The following USP40 variants were observed in gnomAD, a reference collection of about 807,000 sequenced individuals.
USP40 encodes the protein ubiquitin carboxyl-terminal hydrolase 40.
In USP40, 143 loss-of-function variants were observed where a neutral mutation model predicts 166.2. That is an observed-to-expected ratio of 0.86 (90% CI 0.75 to 0.99). The LOEUF is 0.99. USP40 is among the 50% of genes least tolerant of loss of function. USP40 has a pLI of 0.00. For missense variants in USP40, 1,444 were observed against 1,479.7 expected, an observed-to-expected ratio of 0.98 and a Z score of 0.40; for synonymous variants, 498 against 524.0, an observed-to-expected ratio of 0.95 and a Z score of 0.68.
chr2:233,529,585 C>G, intron 11 of USP40, 73 bp from the exon 12 acceptor site: 1 of 1,090,608 alleles, frequency 9.2e-7, no homozygotes, highest in Non-Finnish European at 1.3e-6. Flanking sequence ...AGCATGAAGA[C>G]TAGGAAGGAC....
chr2:233,501,986 C>T (rs1158647727), intron 21 of USP40, among the ~76,000 whole-genome samples: 1 of 152,086 alleles, frequency 6.6e-6, no homozygotes, highest in Non-Finnish European at 1.5e-5. Context: ...TTCTGGAGCC[C>T]AGTGACAAAA....
intron 21 of USP40, among the ~76,000 whole-genome samples, chr2:233,504,616 T>C (rs1453264940): frequency 6.6e-6 from 1 of 151,994 alleles, no homozygotes; most frequent in Non-Finnish European, 1.5e-5. Context: ...ATATCATTAT[T>C]ATGTCATTTA....
chr2:233,525,859 C>T (rs2067986872), intron 13 of USP40, among the ~76,000 whole-genome samples: 1 of 152,152 alleles, frequency 6.6e-6, no homozygotes, highest in South Asian at 2.1e-4. Flanking sequence ...TCTCAGAAAG[C>T]AAGTTGATGA....
chr2:233,516,693 A>G (rs2067221734), intron 18 of USP40, among the ~76,000 whole-genome samples: 1 of 151,764 alleles, frequency 6.6e-6, no homozygotes. Flanking sequence ...ATCTCAAAAA[A>G]AAAAAAAAAG....
intron 11 of USP40, among the ~76,000 whole-genome samples, chr2:233,530,965 C>A (rs10178062): frequency 6.6e-6 from 1 of 152,120 alleles, no homozygotes; most frequent in South Asian, 2.1e-4. Flanking sequence ...ACCTTAAGAT[C>A]AAATATTTAT....
intron 8 of USP40, among the ~76,000 whole-genome samples, chr2:233,544,748 G>T (rs12473824): frequency 0.79 from 120,377 of 152,018 alleles, 47,737 homozygotes; most frequent in East Asian, 0.87. Flanking sequence ...TCCCTAAATG[G>T]CTATACCTTC....
chr2:233,558,333 T>A (rs2071281330), intron 4 of USP40, among the ~76,000 whole-genome samples: 1 of 149,966 alleles, frequency 6.7e-6, no homozygotes. Context: ...AAGCTCATTA[T>A]CAAAAACAAA....
At chr2:233,551,583 T>G (rs2070567754) in intron 6 of USP40, 64 bp from the exon 7 acceptor site, 1 of 1,467,786 alleles carries the variant, frequency 6.8e-7, no homozygotes, top group Non-Finnish European at 9.0e-7. Flanking sequence ...TACATAATGT[T>G]TCTTAAGGTC....
In USP40 at chr2:233,506,372, T is replaced by C. The variant is rs74358507; in HGVS notation, c.2613+3677A>G. ...ACTCAAAATGGTTTAAATGCTTAAA[T>C]GTAAAACCCAAAACAATGAAACTAC... On this transcript the variant is annotated intron_variant, in intron 21 of 31. Coordinates refer to ENST00000678225, the MANE Select transcript of USP40 (RefSeq NM_001365479.2). Among the ~76,000 whole-genome samples, 1,469 of 152,218 alleles carry C rather than the reference T, an allele frequency of 9.7e-3. 20 individuals carry two copies. The highest frequency in any genetic ancestry group is 0.033 in the African/African-American group (1,386 of 41,528).
At chr2:233,483,825 A>T (rs545442599) in intron 30 of USP40, among the ~76,000 whole-genome samples, 2 of 152,350 alleles carry the variant, frequency 1.3e-5, no homozygotes, top group African/African-American at 4.8e-5. Flanking sequence ...ATAGATACTC[A>T]ACTTGTATAA....
intron 8 of USP40, among the ~76,000 whole-genome samples, chr2:233,547,839 C>A (rs961198955): frequency 6.6e-6 from 1 of 152,184 alleles, no homozygotes; most frequent in African/African-American, 2.4e-5. Context: ...TGTGCACACA[C>A]ATGTGTATCT....
chr2:233,560,988 C>T (rs79191806), intron 3 of USP40: 138 of 796,452 alleles, frequency 1.7e-4, no homozygotes, highest in African/African-American at 1.7e-3. Context: ...GATTCTTTCT[C>T]GGAAGGCAAA....
In USP40 at chr2:233,485,787, A is replaced by G. The variant is rs2064907443; in HGVS notation, c.3388T>C (p.Trp1130Arg). 1.2e-6 allele frequency: 2 copies of G among 1,612,684 alleles called. No individual in the cohort carries two copies. Among genetic ancestry groups the G allele is most frequent in the Non-Finnish European group, 1.7e-6 (2 of 1,179,536 alleles). Reference protein sequence around the residue: ...IAKYFPEKFEWLPISSWNQQI... With the variant: ...IAKYFPEKFERLPISSWNQQI... ...TTTACCCAGCTAGATATCGGAAGCC[A>G]CTCGAACTTTTCGGGAAAGTATTTG... The change falls in exon 29 of 32, where the codon TGG becomes CGG. Residue 1130 changes from tryptophan to arginine, a missense_variant. By Grantham distance (101) the Trp-to-Arg change is moderately radical. Transcript: ENST00000678225.
intron 11 of USP40, among the ~76,000 whole-genome samples, chr2:233,533,228 T>A (rs983956959): frequency 1.6e-4 from 25 of 152,038 alleles, no homozygotes; most frequent in Admixed American, 3.3e-4. Flanking sequence ...TCCAAGGAAA[T>A]CCAATTTTGA....
intron 2 of USP40, 83 bp downstream of exon 2, chr2:233,565,273 G>T: frequency 9.9e-7 from 1 of 1,010,120 alleles, no homozygotes; most frequent in Non-Finnish European, 1.4e-6. Context: ...TAAGATAATT[G>T]GTCTATTTGT....
At chr2:233,487,151 C>A (rs1261892921) in intron 28 of USP40, among the ~76,000 whole-genome samples, 1 of 152,248 alleles carries the variant, frequency 6.6e-6, no homozygotes, top group Non-Finnish European at 1.5e-5. Context: ...TCCAAGAGAG[C>A]TTTTCCTTTA....
rs75204481 is a variant in USP40 at position 233,482,843 on chromosome 2, G to A, written c.3505-1546C>T. Among the ~76,000 whole-genome samples, 843 of 152,266 alleles carry A rather than the reference G, an allele frequency of 5.5e-3. 7 individuals are homozygous for A. The highest frequency in any genetic ancestry group is 0.019 in the African/African-American group (801 of 41,558). ...GCCACTGCGCCTGGCCATGTGTGTGGGAGTTCCCACGGTCTCACTAGCAAG... is the reference window on the plus strand; with the variant it reads ...GCCACTGCGCCTGGCCATGTGTGTGAGAGTTCCCACGGTCTCACTAGCAAG... On this transcript the variant is annotated intron_variant, in intron 30 of 31. Transcript: ENST00000678225.
At chr2:233,510,761 G>C (rs2066770598) in intron 20 of USP40, among the ~76,000 whole-genome samples, 1 of 151,994 alleles carries the variant, frequency 6.6e-6, no homozygotes, top group Non-Finnish European at 1.5e-5. Flanking sequence ...CTCCCAAAAG[G>C]AATTTGTAAT....
At chr2:233,529,184 T>C (rs191129053) in intron 12 of USP40, among the ~76,000 whole-genome samples, 3 of 152,222 alleles carry the variant, frequency 2.0e-5, no homozygotes, top group Admixed American at 2.0e-4. Context: ...TCTACTCTTG[T>C]TAGGCTTCGA....
Sources: allele counts gnomAD v4.1 joint callset (sites outside exome capture counted in the v4.1 genomes callset), GRCh38; gene constraint gnomAD v4.1.1; transcripts MANE v1.5; gene names NCBI Gene and HGNC (gene_info 2026-07-23, HGNC 2026-07-21).